Variants in RAD51B observed in about 807,000 individuals in gnomAD.
RAD51B encodes the protein RAD51 paralog B.
RAD51B carries 38 observed loss-of-function variants against 42.2 expected under a neutral mutation model. That is an observed-to-expected ratio of 0.90 (90% CI 0.70 to 1.18). The LOEUF is 1.18. Among genes scored for constraint, RAD51B ranks in the 50% most tolerant of loss-of-function variants. RAD51B has a pLI of 0.00. For synonymous variants in RAD51B, 154 were observed against 145.2 expected, an observed-to-expected ratio of 1.06 and a Z score of -0.43; for missense variants, 373 against 400.7, an observed-to-expected ratio of 0.93 and a Z score of 0.59.
intron 10 of RAD51B, among the ~76,000 whole-genome samples, chr14:68,547,324 C>T (rs1332517372): frequency 6.6e-6 from 1 of 152,246 alleles, no homozygotes; most frequent in Non-Finnish European, 1.5e-5. Flanking sequence ...TCTAAAGACA[C>T]CTCATTCTGC....
intron 7 of RAD51B, among the ~76,000 whole-genome samples, chr14:68,119,723 G>A (rs574383346): frequency 5.9e-4 from 89 of 151,524 alleles, no homozygotes; most frequent in African/African-American, 2.1e-3. Flanking sequence ...TATCATTGTT[G>A]GACATTTGGG....
chr14:67,823,913 A>G (rs1373624830), intron 2 of RAD51B, among the ~76,000 whole-genome samples: 1 of 152,228 alleles, frequency 6.6e-6, no homozygotes, highest in Non-Finnish European at 1.5e-5. Context: ...ATAGGACTCA[A>G]ATGAGGAGAT....
intron 8 of RAD51B, among the ~76,000 whole-genome samples, chr14:68,382,906 T>A (rs1048843697): frequency 6.6e-6 from 1 of 152,242 alleles, no homozygotes; most frequent in Non-Finnish European, 1.5e-5. Flanking sequence ...ATGGCTTTTT[T>A]TTGGCCTGGG....
intron 7 of RAD51B, among the ~76,000 whole-genome samples, chr14:68,080,784 T>G (rs560897807): frequency 1.3e-5 from 2 of 152,328 alleles, no homozygotes; most frequent in Admixed American, 6.5e-5. Context: ...TCTCTGATAC[T>G]GATTGAGAAA....
At chr14:68,434,531 G>A (rs1198165229) in intron 9 of RAD51B, among the ~76,000 whole-genome samples, 1 of 152,212 alleles carries the variant, frequency 6.6e-6, no homozygotes, top group Non-Finnish European at 1.5e-5. Flanking sequence ...ATGGGCATGG[G>A]ATCCTCCAAG....
At chr14:68,550,905 A>G (rs1346913605) in intron 10 of RAD51B, among the ~76,000 whole-genome samples, 1 of 152,246 alleles carries the variant, frequency 6.6e-6, no homozygotes, top group East Asian at 1.9e-4. Context: ...AGAGGCATTT[A>G]TAACCATGAA....
chr14:68,448,496 G>T (rs960663566), intron 9 of RAD51B, among the ~76,000 whole-genome samples: 4 of 152,134 alleles, frequency 2.6e-5, no homozygotes, highest in Non-Finnish European at 1.5e-5. Flanking sequence ...GTTCATCTTT[G>T]CTTTCCCTAA....
chr14:68,536,259 T>G (rs1161968849), intron 10 of RAD51B, among the ~76,000 whole-genome samples: 1 of 152,216 alleles, frequency 6.6e-6, no homozygotes. Flanking sequence ...GACTGTATCC[T>G]ACTGGGAAAA....
intron 7 of RAD51B, among the ~76,000 whole-genome samples, chr14:68,207,085 C>T (rs2079606173): frequency 1.3e-5 from 2 of 152,150 alleles, no homozygotes; most frequent in Admixed American, 6.5e-5. Flanking sequence ...CCACCGCACC[C>T]GGCCACCCCA....
chr14:68,664,315 A>G, intron 11 of RAD51B, among the ~76,000 whole-genome samples: 1 of 152,148 alleles, frequency 6.6e-6, no homozygotes, highest in East Asian at 1.9e-4. Flanking sequence ...TACTGATTCA[A>G]ACTAAGAAAA....
chr14:67,932,994 A>C (rs2044797493), intron 7 of RAD51B, among the ~76,000 whole-genome samples: 1 of 152,202 alleles, frequency 6.6e-6, no homozygotes, highest in Admixed American at 6.5e-5. Context: ...ACCTGAGCAC[A>C]GAGACCACTC....
intron 10 of RAD51B, among the ~76,000 whole-genome samples, chr14:68,569,678 G>T (rs934897926): frequency 6.6e-6 from 1 of 152,232 alleles, no homozygotes; most frequent in Non-Finnish European, 1.5e-5. Context: ...TGATGTGATT[G>T]CCTCCTTGGA....
At chr14:67,886,804 A>G (rs565832457) in intron 6 of RAD51B, 173 of 360,860 alleles carry the variant, frequency 4.8e-4, no homozygotes, top group Non-Finnish European at 5.0e-4. Flanking sequence ...TTATCTTAGG[A>G]GAATCAAGGA....
At chr14:68,514,738 T>C (rs1364290717) in intron 10 of RAD51B, among the ~76,000 whole-genome samples, 1 of 152,226 alleles carries the variant, frequency 6.6e-6, no homozygotes, top group African/African-American at 2.4e-5. Context: ...AAGGTGTGGT[T>C]TCAGAGTTGA....
chr14:68,102,571 A>G (rs937006422), intron 7 of RAD51B, among the ~76,000 whole-genome samples: 2 of 152,110 alleles, frequency 1.3e-5, no homozygotes, highest in Non-Finnish European at 2.9e-5. Flanking sequence ...CCATATCACT[A>G]TCAGCATTTT....
intron 10 of RAD51B, among the ~76,000 whole-genome samples, chr14:68,577,077 C>G (rs1022187586): frequency 6.6e-6 from 1 of 152,154 alleles, no homozygotes; most frequent in African/African-American, 2.4e-5. Context: ...AAGGTGCTTA[C>G]AAGCTGACAG....
At chr14:67,887,935 A>G (rs2043111967) in intron 7 of RAD51B, among the ~76,000 whole-genome samples, 1 of 152,216 alleles carries the variant, frequency 6.6e-6, no homozygotes, top group African/African-American at 2.4e-5. Flanking sequence ...AGCCTCATCA[A>G]CATTCAGGCT....
chr14:68,428,959 A>G (rs2084929248), intron 9 of RAD51B, among the ~76,000 whole-genome samples: 1 of 148,324 alleles, frequency 6.7e-6, no homozygotes, highest in East Asian at 2.0e-4. Flanking sequence ...CCTGTGTCCA[A>G]GTGTTCTCCT....
intron 10 of RAD51B, among the ~76,000 whole-genome samples, chr14:68,516,144 A>T (rs1477522221): frequency 6.6e-6 from 1 of 152,182 alleles, no homozygotes. Context: ...GTTTTAAGCC[A>T]CTAGGTTTTA....
Sources: gnomAD v4.1 joint callset for allele counts (sites outside exome capture counted in the v4.1 genomes callset) on GRCh38, gnomAD v4.1.1 for gene constraint, MANE v1.5 for transcripts, NCBI Gene and HGNC (gene_info 2026-07-23, HGNC 2026-07-21) for gene names.